The following TACR3 variants were observed in gnomAD, a reference collection of about 807,000 sequenced individuals.
The protein encoded by TACR3 is tachykinin receptor 3, also known as neuromedin-K receptor.
In TACR3, 34 loss-of-function variants were observed where a neutral mutation model predicts 35.0. The observed-to-expected ratio is 0.97, with a 90% confidence interval of 0.74 to 1.30. The LOEUF (loss-of-function observed/expected upper bound fraction) is 1.30, where lower values mean the gene tolerates loss of function less well. Among genes scored for constraint, TACR3 ranks in the 50% most tolerant of loss-of-function variants. The probability of loss-of-function intolerance (pLI) is 0.00; values close to 1 mark genes in which losing one functional copy is unlikely to be tolerated. For synonymous variants in TACR3, 233 were observed against 221.1 expected (o/e 1.05, Z -0.48); for missense variants, 558 against 591.7 (o/e 0.94, Z 0.59).
chr4:103,671,072 T>C (rs1331928684), intron 1 of TACR3, among the ~76,000 whole-genome samples: 2 of 152,066 alleles, frequency 1.3e-5, no homozygotes, highest in Non-Finnish European at 2.9e-5. Context: ...AATAGTCATC[T>C]ATTTTTTGTC....
intron 1 of TACR3, among the ~76,000 whole-genome samples, chr4:103,716,215 T>TG (rs1723086888): frequency 1.4e-5 from 2 of 143,234 alleles, no homozygotes; most frequent in Non-Finnish European, 3.1e-5. Flanking sequence ...TAATTTTATC[T>TG]TGTGTGTGTG....
intron 1 of TACR3, among the ~76,000 whole-genome samples, chr4:103,695,169 C>T (rs1385284908): frequency 7.2e-5 from 11 of 151,962 alleles, no homozygotes; most frequent in South Asian, 2.1e-4. Context: ...ATACTTTTAC[C>T]GTTTAATCTT....
rs557785621 is a variant in TACR3 at position 103,588,044 on chromosome 4, A to G, written c.*1638T>C. The G allele has an allele frequency of 1.6e-4, 25 of 151,992 alleles. No homozygotes were observed. Among genetic ancestry groups the G allele is most frequent in the African/African-American group, 5.8e-4 (24 of 41,494 alleles). The allele number at this position is 151,992 out of a possible 1,614,324, so 9.4% of individuals were successfully genotyped here. Reference sequence around the variant, plus strand: ...TCATCAGAAGAAATTCAGCTGGAACACATATGTTTAGCTTGTTTAGACTCC... The same window carrying G: ...TCATCAGAAGAAATTCAGCTGGAACGCATATGTTTAGCTTGTTTAGACTCC... On this transcript the variant is annotated 3_prime_UTR_variant, in exon 5 of 5. Transcript: ENST00000304883.
At chr4:103,598,771 C>T (rs184601207) in intron 3 of TACR3, among the ~76,000 whole-genome samples, 5,195 of 152,026 alleles carry the variant, frequency 0.034, 330 homozygotes, top group African/African-American at 0.12. Context: ...TGTAGATATG[C>T]GGCATTATTT....
At chr4:103,635,763 A>G (rs1305177067) in intron 3 of TACR3, among the ~76,000 whole-genome samples, 2 of 138,218 alleles carry the variant, frequency 1.4e-5, no homozygotes, top group African/African-American at 6.3e-5. Context: ...TATAATTGGA[A>G]GAGAATTTAG....
At chr4:103,622,321 A>AAAAT (rs1177322220) in intron 3 of TACR3, among the ~76,000 whole-genome samples, 1 of 152,250 alleles carries the variant, frequency 6.6e-6, no homozygotes. Context: ...ATGGTGAAGT[A>AAAAT]AAATAGGTCA....
chr4:103,711,302 G>T (rs1288709902), intron 1 of TACR3, among the ~76,000 whole-genome samples: 2 of 152,186 alleles, frequency 1.3e-5, no homozygotes, highest in African/African-American at 4.8e-5. Flanking sequence ...CCATGATCAA[G>T]TGGGCTTCAT....
At chr4:103,661,320 G>T (rs1409955666) in intron 1 of TACR3, among the ~76,000 whole-genome samples, 1 of 152,068 alleles carries the variant, frequency 6.6e-6, no homozygotes, top group Non-Finnish European at 1.5e-5. Context: ...GGGCATTTCT[G>T]TTCCTGCTCA....
intron 1 of TACR3, among the ~76,000 whole-genome samples, chr4:103,702,346 A>G (rs1395716025): frequency 1.3e-5 from 2 of 152,310 alleles, no homozygotes; most frequent in South Asian, 2.1e-4. Context: ...CAAAACCACA[A>G]TGAGATACCA....
intron 3 of TACR3, among the ~76,000 whole-genome samples, chr4:103,596,328 T>C (rs1332922023): frequency 2.0e-5 from 3 of 152,004 alleles, no homozygotes; most frequent in African/African-American, 4.8e-5. Flanking sequence ...ATCGCCACAC[T>C]GACTTCCACA....
intron 3 of TACR3, among the ~76,000 whole-genome samples, chr4:103,599,080 C>A (rs1304385081): frequency 1.3e-5 from 2 of 152,144 alleles, no homozygotes; most frequent in Admixed American, 1.3e-4. Flanking sequence ...TTCTTCCTAC[C>A]CATGAACATG....
chr4:103,704,892 G>C (rs1313501629), intron 1 of TACR3, among the ~76,000 whole-genome samples: 1 of 152,142 alleles, frequency 6.6e-6, no homozygotes, highest in Non-Finnish European at 1.5e-5. Flanking sequence ...AAATATTCAT[G>C]TTAACGTTAC....
intron 3 of TACR3, among the ~76,000 whole-genome samples, chr4:103,653,892 G>C (rs140954553): frequency 6.6e-6 from 1 of 152,120 alleles, no homozygotes; most frequent in African/African-American, 2.4e-5. Context: ...CGAAGGATAT[G>C]AACAGATACT....
chr4:103,683,096 T>G (rs1722137055), intron 1 of TACR3, among the ~76,000 whole-genome samples: 1 of 152,136 alleles, frequency 6.6e-6, no homozygotes, highest in Non-Finnish European at 1.5e-5. Context: ...ATCATAAAAT[T>G]TGTCTACCAC....
rs149706734 is a variant in TACR3, at chr4:103,719,447, G to A, written c.229C>T (p.Gln77Ter). ...PSQPWANLTN[Q>*]FVQPSWRIAL... ...ATGCGCCAGGACGGCTGCACGAACTGGTTGGTGAGGTTGGCCCAGGGCTGG... is the reference window on the plus strand; with the variant it reads ...ATGCGCCAGGACGGCTGCACGAACTAGTTGGTGAGGTTGGCCCAGGGCTGG... The change falls in exon 1 of 5, where the codon CAG becomes TAG. Residue 77 changes from glutamine to a stop codon, truncating the protein, a stop_gained. Coordinates refer to ENST00000304883, the MANE Select transcript of TACR3 (RefSeq NM_001059.3). LOFTEE classifies it high-confidence loss of function. The A allele has an allele frequency of 6.2e-7, 1 of 1,614,144 alleles. No homozygotes were observed. The highest frequency in any genetic ancestry group is 1.3e-5 in the African/African-American group (1 of 74,954).
intron 1 of TACR3, 88 bp from the exon 2 acceptor site, chr4:103,658,491 A>G: frequency 7.9e-7 from 1 of 1,269,982 alleles, no homozygotes; most frequent in Non-Finnish European, 1.1e-6. Context: ...AAGGCGTTTC[A>G]ATAGTTACAG....
rs181951458 is a variant in TACR3 at position 103,719,538 on chromosome 4, G to A, written c.138C>T (p.Asp46=). 7.6e-5 allele frequency: 123 copies of A among 1,608,350 alleles called. No homozygotes were observed. In the Admixed American group the frequency reaches 1.3e-3, roughly 17 times the overall value. Residue 46 remains aspartate, a synonymous_variant, in exon 1 of 5, where the codon GAC becomes GAT. Transcript: ENST00000304883. ...GGGAGGAGGAGAGGTTGCCAGCTTG[G>A]TCCAGCAGTTGCAGCCACCCAGTCT... The part of the protein sequence containing the change: ...AVETGWLQLL[D]QAGNLSSSPS...
chr4:103,713,337 C>G (rs1474916576), intron 1 of TACR3, among the ~76,000 whole-genome samples: 1 of 151,754 alleles, frequency 6.6e-6, no homozygotes, highest in Non-Finnish European at 1.5e-5. Context: ...ATGGATGAAG[C>G]TGGAAACCAT....
At chr4:103,649,254 A>G (rs897566838) in intron 3 of TACR3, among the ~76,000 whole-genome samples, 1 of 151,840 alleles carries the variant, frequency 6.6e-6, no homozygotes, top group Non-Finnish European at 1.5e-5. Context: ...CACTTTACTG[A>G]TTGCTTCCTT....
Sources: gnomAD v4.1 joint callset for allele counts (sites outside exome capture counted in the v4.1 genomes callset) on GRCh38, gnomAD v4.1.1 for gene constraint, MANE v1.5 for transcripts, NCBI Gene and HGNC (gene_info 2026-07-23, HGNC 2026-07-21) for gene names.